The following EPB41L3 variants were observed in gnomAD, a reference collection of about 807,000 sequenced individuals.
EPB41L3 encodes erythrocyte membrane protein band 4.1 like 3.
In EPB41L3, 57 loss-of-function variants were observed where a neutral mutation model predicts 127.1. The observed-to-expected ratio is 0.45, with a 90% CI of 0.36 to 0.56. The LOEUF (loss-of-function observed/expected upper bound fraction) is 0.56. Ranked by LOEUF, EPB41L3 falls within the 20% of genes least tolerant of loss-of-function variation. The pLI is 0.00. For missense variants in EPB41L3, 1,273 were observed against 1,372.2 expected (o/e 0.93, Z 1.14); for synonymous variants, 572 against 549.5 (o/e 1.04, Z -0.57).
intron 1 of EPB41L3, among the ~76,000 whole-genome samples, chr18:5,535,616 G>A (rs1475859126): frequency 6.6e-6 from 1 of 152,190 alleles, no homozygotes; most frequent in African/African-American, 2.4e-5. Context: ...GTCCGGGCCA[G>A]CCTGAGACCT....
intron 3 of EPB41L3, among the ~76,000 whole-genome samples, chr18:5,595,068 G>A (rs1361209866): frequency 1.3e-5 from 2 of 152,114 alleles, no homozygotes; most frequent in East Asian, 3.9e-4. Flanking sequence ...CCAGCTTTTG[G>A]CTTCTCTAAT....
intron 2 of EPB41L3, among the ~76,000 whole-genome samples, chr18:5,484,124 G>GA (rs139066726): frequency 6.4e-5 from 5 of 77,922 alleles, no homozygotes; most frequent in Non-Finnish European, 9.5e-5. Context: ...AAAAAAAACA[G>GA]AAAAAAAAAA....
At chr18:5,536,579 A>G (rs982498153) in intron 1 of EPB41L3, among the ~76,000 whole-genome samples, 5 of 151,364 alleles carry the variant, frequency 3.3e-5, no homozygotes, top group Admixed American at 3.3e-4. Flanking sequence ...AGGCGGGCAG[A>G]TCATTTGAGG....
chr18:5,419,742 G>A lies in EPB41L3; in HGVS notation c.1475C>T (p.Thr492Met), dbSNP rs142122200. Residue 492 changes from threonine (T) to methionine (M), a missense_variant, in exon 12 of 23, where the codon ACG becomes ATG. Thr to Met is a moderately conservative substitution (Grantham distance 81). Coordinates refer to ENST00000341928, the MANE Select transcript of EPB41L3 (RefSeq NM_012307.5). ...EDKRRKGEEV[T>M]PISAIRHEGK... ...CTCGTGCCGGATGGCCGAGATGGGC[G>A]TGACTTCTTCCCCCTTCCTCCGTTT... 5.6e-6 allele frequency: 9 copies of A among 1,614,072 alleles called. No homozygotes were observed. Among genetic ancestry groups the A allele is most frequent in the African/African-American group, 2.7e-5 (2 of 74,930 alleles).
chr18:5,519,692 C>T (rs1261845626), intron 1 of EPB41L3, among the ~76,000 whole-genome samples: 1 of 152,306 alleles, frequency 6.6e-6, no homozygotes, highest in Admixed American at 6.5e-5. Context: ...GGGACCGGGA[C>T]AAATCTTGCT....
At chr18:5,463,864 CTACT>C (rs1344596772) in intron 3 of EPB41L3, 1 of 152,264 alleles carries the variant, frequency 6.6e-6, no homozygotes, top group Non-Finnish European at 1.5e-5. Context: ...CGGTTGTAGG[CTACT>C]ATGTGTATCG....
intron 1 of EPB41L3, among the ~76,000 whole-genome samples, chr18:5,523,637 T>G (rs558667648): frequency 6.6e-6 from 1 of 151,964 alleles, no homozygotes; most frequent in East Asian, 1.9e-4. Context: ...AATACAAAAT[T>G]AGCCAGGCAT....
chr18:5,399,334 C>T, intron 16 of EPB41L3: 1 of 399,018 alleles, frequency 2.5e-6, no homozygotes, highest in Non-Finnish European at 4.4e-6. Flanking sequence ...TTCAAATCAC[C>T]ATCAACTACC....
At chr18:5,626,005 C>T (rs965251394) in intron 1 of EPB41L3, among the ~76,000 whole-genome samples, 2 of 151,470 alleles carry the variant, frequency 1.3e-5, no homozygotes, top group Non-Finnish European at 2.9e-5. Context: ...TGCTGCTTGA[C>T]TGAAATCGCA....
chr18:5,598,891 GAAAGTT>G lies in EPB41L3; in HGVS notation c.-306+13443_-306+13448del, dbSNP rs759558994. ...TGTGCTCAGTCTCTTCGGTTAAACT[GAAAGTT>G]TCTTGAGGACACGGACAGCATCAAC... On this transcript the variant is annotated intron_variant, in intron 3 of 21. Coordinates refer to the EPB41L3 transcript ENST00000545076. Among the ~76,000 whole-genome samples the G allele has an allele frequency of 7.9e-4, 120 of 152,302 alleles. 1 individual carries two copies. Among genetic ancestry groups the G allele is most frequent in the Middle Eastern group, 6.8e-3 (2 of 294 alleles).
chr18:5,527,151 A>G (rs1256099466), intron 1 of EPB41L3, among the ~76,000 whole-genome samples: 1 of 152,174 alleles, frequency 6.6e-6, no homozygotes, highest in Non-Finnish European at 1.5e-5. Context: ...CCCAAAAAGC[A>G]TAAAGAATCC....
At chr18:5,394,100 A>C (rs924016158) in intron 22 of EPB41L3, 2 of 152,922 alleles carry the variant, frequency 1.3e-5, no homozygotes, top group African/African-American at 4.8e-5. Context: ...AATCATCCCA[A>C]AGAATACAGG....
intron 2 of EPB41L3, among the ~76,000 whole-genome samples, chr18:5,487,637 G>A (rs895413647): frequency 4.0e-5 from 6 of 151,020 alleles, no homozygotes; most frequent in Non-Finnish European, 5.9e-5. Flanking sequence ...GATTACAGAC[G>A]TGCACCACCA....
intron 19 of EPB41L3, 102 bp from the exon 20 acceptor site, chr18:5,395,809 A>C (rs1431807339): frequency 2.4e-6 from 2 of 826,044 alleles, no homozygotes; most frequent in Non-Finnish European, 4.0e-6. Flanking sequence ...ACTATCTCCT[A>C]TTATGCAATC....
At chr18:5,566,840 C>G (rs565693515) in intron 3 of EPB41L3, among the ~76,000 whole-genome samples, 1 of 149,544 alleles carries the variant, frequency 6.7e-6, no homozygotes, top group South Asian at 2.1e-4. Context: ...GAGTCTCACT[C>G]TCATGCCCAG....
chr18:5,629,440 C>CACACACAA (rs34733151), upstream of EPB41L3, among the ~76,000 whole-genome samples: 1 of 151,738 alleles, frequency 6.6e-6, no homozygotes, highest in African/African-American at 2.4e-5. Flanking sequence ...CACACACACA[C>CACACACAA]ACACACACAC....
chr18:5,545,390 C>A (rs1485820861), upstream of EPB41L3, among the ~76,000 whole-genome samples: 1 of 151,504 alleles, frequency 6.6e-6, no homozygotes. Context: ...GTCAGTGAGG[C>A]CCGGAGACGT....
intron 1 of EPB41L3, among the ~76,000 whole-genome samples, chr18:5,494,550 G>C (rs902259294): frequency 1.3e-5 from 2 of 152,132 alleles, no homozygotes; most frequent in Non-Finnish European, 1.5e-5. Context: ...CCACCTACTC[G>C]GGAGGCTGAG....
At chr18:5,432,667 T>C (rs2079159110) in intron 8 of EPB41L3, among the ~76,000 whole-genome samples, 1 of 152,166 alleles carries the variant, frequency 6.6e-6, no homozygotes, top group South Asian at 2.1e-4. Context: ...AGTACGAAGA[T>C]TCCAGGAAAA....
Sources: allele counts gnomAD v4.1 joint callset (sites outside exome capture counted in the v4.1 genomes callset), GRCh38; gene constraint gnomAD v4.1.1; transcripts MANE v1.5; gene names NCBI Gene and HGNC (gene_info 2026-07-23, HGNC 2026-07-21).